The following ANKS1B variants were observed in gnomAD, a reference collection of about 807,000 sequenced individuals.
ANKS1B encodes the protein ankyrin repeat and sterile alpha motif domain-containing protein 1B.
Under a neutral mutation model 148.3 loss-of-function variants are expected in ANKS1B, and 36 were observed. That is an observed-to-expected ratio of 0.24 (90% CI 0.19 to 0.32). ANKS1B has a LOEUF of 0.32. ANKS1B is among the 10% of genes least tolerant of loss of function. The pLI is 1.00. For missense variants in ANKS1B, 1,157 were observed against 1,542.6 expected (o/e 0.75, Z 4.19); for synonymous variants, 542 against 560.8 (o/e 0.97, Z 0.47).
chr12:99,370,751 T>C (rs982629003), intron 12 of ANKS1B, among the ~76,000 whole-genome samples: 2 of 152,206 alleles, frequency 1.3e-5, no homozygotes, highest in African/African-American at 4.8e-5. Context: ...TATCATGGTC[T>C]CATAAAATTT....
chr12:99,146,262 A>G (rs2073041975), intron 15 of ANKS1B, among the ~76,000 whole-genome samples: 1 of 152,128 alleles, frequency 6.6e-6, no homozygotes, highest in African/African-American at 2.4e-5. Flanking sequence ...GGGGAAGCAG[A>G]CATCTGAATA....
Position 99,898,592 on chromosome 12 carries a change from C to A in ANKS1B, c.135-73203G>T, listed in dbSNP as rs11110097. On this transcript the variant is annotated intron_variant, in intron 1 of 26. Coordinates refer to ENST00000683438, the MANE Select transcript of ANKS1B (RefSeq NM_001352186.2). Reference sequence around the variant, plus strand: ...GCTCAGCCCTAGGCATCCTCCTCTTCTTCCTATTTTGGCCCTGGCTTCCAT... The same window carrying A: ...GCTCAGCCCTAGGCATCCTCCTCTTATTCCTATTTTGGCCCTGGCTTCCAT... 2.1e-3 allele frequency among the ~76,000 whole-genome samples: 324 copies of A among 152,258 alleles called. 1 individual carries two copies. Among genetic ancestry groups the A allele is most frequent in the African/African-American group, 7.5e-3 (312 of 41,558 alleles).
chr12:99,540,361 G>A (rs1050986762), intron 9 of ANKS1B, among the ~76,000 whole-genome samples: 7 of 152,120 alleles, frequency 4.6e-5, no homozygotes, highest in South Asian at 4.1e-4. Context: ...CAGAATGTGC[G>A]TTCTTCTTAA....
At chr12:98,789,927 T>C (rs1271140853) in intron 22 of ANKS1B, among the ~76,000 whole-genome samples, 1 of 152,152 alleles carries the variant, frequency 6.6e-6, no homozygotes, top group Non-Finnish European at 1.5e-5. Context: ...TACCTACAAA[T>C]GCATAAATAA....
intron 8 of ANKS1B, among the ~76,000 whole-genome samples, chr12:99,684,989 G>C (rs2098641468): frequency 6.6e-6 from 1 of 151,898 alleles, no homozygotes; most frequent in African/African-American, 2.4e-5. Flanking sequence ...AGATAATACT[G>C]GAAAAACCCT....
At chr12:99,803,273 T>TCA (rs1555620484) in intron 4 of ANKS1B, among the ~76,000 whole-genome samples, 196 of 19,050 alleles carry the variant, frequency 0.01, 10 homozygotes, top group African/African-American at 0.025. Flanking sequence ...AATTAAATAT[T>TCA]CACCCCCCCC....
intron 4 of ANKS1B, among the ~76,000 whole-genome samples, chr12:99,788,207 CA>C (rs1235109650): frequency 6.6e-6 from 1 of 152,192 alleles, no homozygotes; most frequent in Non-Finnish European, 1.5e-5. Context: ...GTGCAATTCA[CA>C]ACAACAAAAG....
At chr12:99,053,718 GC>G (rs2099967716) in intron 16 of ANKS1B, among the ~76,000 whole-genome samples, 1 of 152,180 alleles carries the variant, frequency 6.6e-6, no homozygotes, top group African/African-American at 2.4e-5. Flanking sequence ...CAGCACCAAA[GC>G]ATGTGAAAAT....
At chr12:99,795,544 GAAGT>G (rs2066145909) in intron 4 of ANKS1B, among the ~76,000 whole-genome samples, 1 of 152,032 alleles carries the variant, frequency 6.6e-6, no homozygotes, top group African/African-American at 2.4e-5. Context: ...TGAGATGCAA[GAAGT>G]AATGATAAAT....
chr12:98,956,253 C>G (rs989686733), intron 17 of ANKS1B: 1 of 152,412 alleles, frequency 6.6e-6, no homozygotes, highest in Non-Finnish European at 1.5e-5. Flanking sequence ...CACTTCCAAA[C>G]CATCTCTAGA....
chr12:99,328,717 T>C (rs2086948023), intron 12 of ANKS1B, among the ~76,000 whole-genome samples: 1 of 151,846 alleles, frequency 6.6e-6, no homozygotes, highest in Admixed American at 6.6e-5. Context: ...TGGTATTTGA[T>C]CAAAAATTAC....
chr12:99,712,564 C>T (rs182981549), intron 8 of ANKS1B, among the ~76,000 whole-genome samples: 1 of 152,330 alleles, frequency 6.6e-6, no homozygotes, highest in East Asian at 1.9e-4. Flanking sequence ...CCATCTAAAT[C>T]TCATCAGCTT....
At chr12:99,596,170 A>G (rs1302992839) in intron 9 of ANKS1B, among the ~76,000 whole-genome samples, 1 of 151,898 alleles carries the variant, frequency 6.6e-6, no homozygotes, top group South Asian at 2.1e-4. Flanking sequence ...GCTTAAAAAA[A>G]ACAAAAATTT....
At chr12:99,251,041 G>A (rs1406919708) in intron 12 of ANKS1B, among the ~76,000 whole-genome samples, 1 of 152,118 alleles carries the variant, frequency 6.6e-6, no homozygotes, top group Non-Finnish European at 1.5e-5. Context: ...ATGGTGGAGG[G>A]AGCAAAGGAG....
At chr12:99,354,843 T>C (rs10777970) in intron 12 of ANKS1B, among the ~76,000 whole-genome samples, 17,517 of 151,996 alleles carry the variant, frequency 0.12, 1,522 homozygotes, top group East Asian at 0.5. Flanking sequence ...GATAAGTATA[T>C]GACTCAAACA....
intron 1 of ANKS1B, among the ~76,000 whole-genome samples, chr12:99,845,100 G>A (rs1283089610): frequency 6.6e-6 from 1 of 152,152 alleles, no homozygotes; most frequent in Non-Finnish European, 1.5e-5. Context: ...TGAGACTGCT[G>A]AAGTTACTTA....
At chr12:99,635,459 T>C (rs1003763101) in intron 9 of ANKS1B, among the ~76,000 whole-genome samples, 9 of 152,138 alleles carry the variant, frequency 5.9e-5, no homozygotes, top group African/African-American at 2.2e-4. Flanking sequence ...ACAACATAGA[T>C]GAATCTTGAG....
chr12:98,771,153 C>T (rs2098558672), intron 25 of ANKS1B, among the ~76,000 whole-genome samples: 1 of 151,982 alleles, frequency 6.6e-6, no homozygotes, highest in Non-Finnish European at 1.5e-5. Flanking sequence ...GGTGTAATCC[C>T]ATAAGGATGT....
At chr12:99,487,627 A>G (rs1036302038) in intron 10 of ANKS1B, among the ~76,000 whole-genome samples, 1 of 150,858 alleles carries the variant, frequency 6.6e-6, no homozygotes, top group African/African-American at 2.4e-5. Context: ...GGGGGGGGAC[A>G]TTTTTCAAAT....
Sources: allele counts gnomAD v4.1 joint callset (sites outside exome capture counted in the v4.1 genomes callset), GRCh38; gene constraint gnomAD v4.1.1; transcripts MANE v1.5; gene names NCBI Gene and HGNC (gene_info 2026-07-23, HGNC 2026-07-21).